The following IGHMBP2 variants were observed in gnomAD, a reference collection of about 807,000 sequenced individuals.
The protein encoded by IGHMBP2 is DNA-binding protein SMUBP-2.
In IGHMBP2, 81 loss-of-function variants were observed where a neutral mutation model predicts 96.0. The observed-to-expected ratio is 0.84, with a 90% CI of 0.71 to 1.01. The LOEUF (loss-of-function observed/expected upper bound fraction) is 1.01, where lower values mean the gene tolerates loss of function less well. Among genes scored for constraint, IGHMBP2 ranks in the 50% least tolerant of loss-of-function variants. The pLI is 0.00. For missense variants in IGHMBP2, 1,227 were observed against 1,306.3 expected, an observed-to-expected ratio of 0.94 and a Z score of 0.94; for synonymous variants, 557 against 548.9, an observed-to-expected ratio of 1.01 and a Z score of -0.21.
rs145535654 is a variant in IGHMBP2 at position 68,917,266 on chromosome 11, C to T, written c.913-470C>T. 5.5e-3 allele frequency among the ~76,000 whole-genome samples: 835 copies of T among 152,086 alleles called. 6 individuals carry two copies. Among genetic ancestry groups the T allele is most frequent in the Admixed American group, 9.0e-3 (137 of 15,284 alleles). ...TGCTGGGATTACAGGCATGAGCCAC[C>T]GCGCCTGACCAGTTCCATCTTTTTG... On this transcript the variant is annotated intron_variant, in intron 6 of 14. Transcript: ENST00000255078.
chr11:68,918,521 A>G (rs1004235012), intron 7 of IGHMBP2, among the ~76,000 whole-genome samples: 1 of 152,100 alleles, frequency 6.6e-6, no homozygotes, highest in African/African-American at 2.4e-5. Flanking sequence ...ATGCACCTGT[A>G]ATTCCAGCTA....
rs886048610 is a variant in IGHMBP2, at chr11:68,940,519, C to G, written c.*788C>G. The G allele has an allele frequency of 6.6e-6, 1 of 152,212 alleles. No individual in the cohort carries two copies. The highest frequency in any genetic ancestry group is 1.5e-5 in the Non-Finnish European group (1 of 68,060). 9.4% of individuals were successfully genotyped at this position (152,212 alleles called of 1,614,324 possible). On this transcript the variant is annotated 3_prime_UTR_variant, in exon 15 of 15. Coordinates refer to ENST00000255078, the MANE Select transcript of IGHMBP2 (RefSeq NM_002180.3). ...TACCAACTCTTCTATTTAAGAGAAC[C>G]TCAGATGATGTACCTGAGCCTCAGG... is the stretch of plus-strand genomic sequence containing the variant.
chr11:68,939,762 T>A lies in IGHMBP2; in HGVS notation c.*31T>A, dbSNP rs1200475619. The A allele has an allele frequency of 7.0e-6, 11 of 1,578,104 alleles. No individual in the cohort carries two copies. The Admixed American group carries it at 1.9e-4, about 27-fold the overall frequency. Reference sequence around the variant, plus strand: ...CGCATCCTTGCACGCCCCGCGGAGCTCTCTCCATGGTAGCCCAGGGCGCTG... The same window carrying A: ...CGCATCCTTGCACGCCCCGCGGAGCACTCTCCATGGTAGCCCAGGGCGCTG... On this transcript the variant is annotated 3_prime_UTR_variant, in exon 15 of 15. Transcript: ENST00000255078.
In IGHMBP2 at chr11:68,935,923, C is replaced by T. The variant is rs375626868; in HGVS notation, c.1757-314C>T. Among the ~76,000 whole-genome samples, 12 of 152,292 alleles carry T rather than the reference C, an allele frequency of 7.9e-5. No individual in the cohort carries two copies. The South Asian group carries it at 2.5e-3, about 32-fold the overall frequency. On this transcript the variant is annotated intron_variant, in intron 12 of 14. Coordinates refer to ENST00000255078, the MANE Select transcript of IGHMBP2 (RefSeq NM_002180.3). ...AGCTATGGGGGAAAGAAGGGAAGGT[C>T]CTGGAAGGTTTCTTGTGCTTTCTCC...
chr11:68,937,784 C>T (rs1012430436), intron 13 of IGHMBP2: 1 of 259,168 alleles, frequency 3.9e-6, no homozygotes, highest in African/African-American at 2.2e-5. Flanking sequence ...TACACCAGCA[C>T]ATGGGTGGCT....
rs11228414 is a variant in IGHMBP2 at position 68,936,802 on chromosome 11, A to G, written c.2322A>G (p.Glu774=). ...EHGLRHDSSG[E]GKRRFITVSK... ...GGCTGAGGCACGACAGTTCCGGGGA[A>G]GGGAAGAGGAGGTTCATCACTGTGA... The change falls in exon 13 of 15, where the codon GAA becomes GAG. Residue 774 remains glutamate, a synonymous_variant. Coordinates refer to ENST00000255078, the MANE Select transcript of IGHMBP2 (RefSeq NM_002180.3). 1,106 of 1,613,976 alleles carry G rather than the reference A, an allele frequency of 6.9e-4. 27 individuals carry two copies. The East Asian group carries it at 0.021, about 31-fold the overall frequency.
At position 68,914,953 on chromosome 11, in the gene IGHMBP2, A is replaced by T; in HGVS notation, c.842A>T (p.Asp281Val). Residue 281 changes from aspartate (D) to valine (V), a missense_variant, in exon 6 of 15, where the codon GAT becomes GTT. Physicochemically the swap from Asp to Val is radical, Grantham distance 152 (BLOSUM62 -3). Coordinates refer to ENST00000255078, the MANE Select transcript of IGHMBP2 (RefSeq NM_002180.3). ...GAGTCCATTCAGCAGCACTCCCTGG[A>T]TGCGGTTTTAGCGCGGAGCGACAGT... ...LLESIQQHSL[D>V]AVLARSDSAQ... 1 of 1,614,090 alleles carries T rather than the reference A, an allele frequency of 6.2e-7. No homozygotes were observed. The highest frequency in any genetic ancestry group is 8.5e-7 in the Non-Finnish European group (1 of 1,180,012).
At chr11:68,931,389 G>A (rs966800793) in intron 8 of IGHMBP2, among the ~76,000 whole-genome samples, 4 of 152,132 alleles carry the variant, frequency 2.6e-5, no homozygotes, top group Admixed American at 2.6e-4. Context: ...CCTGCTTCGT[G>A]GAGCAGGAAG....
Position 68,917,850 on chromosome 11 carries a change from A to G in IGHMBP2, c.1027A>G (p.Thr343Ala). 2 of 1,614,178 alleles carry G rather than the reference A, an allele frequency of 1.2e-6. No homozygotes were observed. The highest frequency in any genetic ancestry group is 1.7e-6 in the Non-Finnish European group (2 of 1,180,010). Reference protein sequence around the residue: ...REEAAMLESLTSANVVLATNT... With the variant: ...REEAAMLESLASANVVLATNT... ...AGAAGCAGCTATGCTCGAGAGCCTC[A>G]CTTCGGCAAACGTGGTCCTTGCAAC... is the stretch of plus-strand genomic sequence containing the variant. Residue 343 changes from threonine to alanine, a missense_variant, in exon 7 of 15, where the codon ACT becomes GCT. By Grantham distance (58) the Thr-to-Ala change is moderately conservative (BLOSUM62 0). This residue lies in a region of IGHMBP2 where 507 missense variants were observed against 496.9 expected (regional missense o/e 1.02). Coordinates refer to ENST00000255078, the MANE Select transcript of IGHMBP2 (RefSeq NM_002180.3).
chr11:68,921,659 T>G (rs1321690618), intron 7 of IGHMBP2, among the ~76,000 whole-genome samples: 1 of 152,232 alleles, frequency 6.6e-6, no homozygotes, highest in South Asian at 2.1e-4. Flanking sequence ...TTTAAAGAGA[T>G]CTAAATAATA....
intron 5 of IGHMBP2, among the ~76,000 whole-genome samples, chr11:68,914,554 G>A (rs1216585606): frequency 2.0e-5 from 3 of 152,176 alleles, no homozygotes; most frequent in Non-Finnish European, 1.5e-5. Flanking sequence ...TTAGTTTGCC[G>A]TCTATAGGTG....
intron 8 of IGHMBP2, among the ~76,000 whole-genome samples, chr11:68,931,441 C>T (rs918070300): frequency 3.5e-4 from 53 of 152,210 alleles, no homozygotes; most frequent in African/African-American, 1.2e-3. Context: ...CAGCTGCACG[C>T]GGAAAGGCAG....
At position 68,904,093 on chromosome 11, in the gene IGHMBP2, CAG is replaced by C. The variant is rs145519673; in HGVS notation, c.86+58_86+59del. 1,272 of 1,409,662 alleles carry C rather than the reference CAG, an allele frequency of 9.0e-4. 11 individuals are homozygous for C. In the African/African-American group the frequency reaches 0.016, roughly 18 times the overall value. 87.3% of individuals were successfully genotyped at this position (1,409,662 alleles called of 1,614,324 possible). ...GCGGTCGGTCCCGCCGTGTCCCGGG[CAG>C]AGTCTCCGAGGGGCTCGGCCTCATA... On this transcript the variant is annotated intron_variant, in intron 1 of 14. Transcript: ENST00000255078.
At position 68,914,829 on chromosome 11, in the gene IGHMBP2, T is replaced by G; in HGVS notation, c.718T>G (p.Cys240Gly). The G allele has an allele frequency of 6.2e-7, 1 of 1,614,262 alleles. No individual in the cohort carries two copies. The highest frequency in any genetic ancestry group is 8.5e-7 in the Non-Finnish European group (1 of 1,180,052). The part of the protein sequence containing the change: ...QAVKQGLKVL[C>G]CAPSNIAVDN... Reference sequence around the variant, plus strand: ...CCTAACTTGCGGTTCCCAGGTTCTGTGCTGCGCCCCCTCCAACATCGCCGT... The same window carrying G: ...CCTAACTTGCGGTTCCCAGGTTCTGGGCTGCGCCCCCTCCAACATCGCCGT... The change falls in exon 6 of 15, where the codon TGC becomes GGC. Residue 240 changes from cysteine (C) to glycine (G), a missense_variant. This residue lies in a region of IGHMBP2 where 507 missense variants were observed against 496.9 expected (regional missense o/e 1.02). Coordinates refer to ENST00000255078, the MANE Select transcript of IGHMBP2 (RefSeq NM_002180.3).
chr11:68,926,286 T>G (rs1476814010), intron 7 of IGHMBP2: 1 of 149,366 alleles, frequency 6.7e-6, no homozygotes, highest in Non-Finnish European at 1.5e-5. Context: ...TTTTTTTTTT[T>G]TTTTAGATGG....
At chr11:68,916,620 C>G (rs1858681143) in intron 6 of IGHMBP2, among the ~76,000 whole-genome samples, 1 of 152,144 alleles carries the variant, frequency 6.6e-6, no homozygotes, top group African/African-American at 2.4e-5. Context: ...GCACCTGCAC[C>G]CTCGGTGTCC....
At position 68,936,890 on chromosome 11, in the gene IGHMBP2, C is replaced by G; in HGVS notation, c.2410C>G (p.Pro804Ala). 1 of 1,609,544 alleles carries G rather than the reference C, an allele frequency of 6.2e-7. No homozygotes were observed. Among genetic ancestry groups the G allele is most frequent in the East Asian group, 2.2e-5 (1 of 44,750 alleles). Residue 804 changes from proline to alanine, a missense_variant, in exon 13 of 15, where the codon CCT becomes GCT. Coordinates refer to ENST00000255078, the MANE Select transcript of IGHMBP2 (RefSeq NM_002180.3). The stretch of plus-strand genomic sequence containing the variant: ...CCCAGCAGGGACCGGTGGCCCAGCC[C>G]CTCTCCAGCCAGTGCCCCCTACCCC... The part of the protein sequence containing the change: ...GPPAGTGGPA[P>A]LQPVPPTPAQ...
Position 68,936,959 on chromosome 11 carries a change from C to G in IGHMBP2, c.2479C>G (p.Gln827Glu). The change falls in exon 13 of 15, where the codon CAG (glutamine) becomes GAG (glutamate). Residue 827 changes from glutamine (Q) to glutamate (E), a missense_variant. Physicochemically the swap from Gln to Glu is conservative, Grantham distance 29. This residue lies in a region of IGHMBP2 where 703 missense variants were observed against 770.3 expected (regional missense o/e 0.91). Coordinates refer to ENST00000255078, the MANE Select transcript of IGHMBP2 (RefSeq NM_002180.3). ...TCCCAGGGAGCAGCGTGGCCCAGAC[C>G]AGCCTGATCTGAGGACGCTGCACCT... ...QPPREQRGPD[Q>E]PDLRTLHLER... The G allele has an allele frequency of 1.9e-6, 3 of 1,605,710 alleles. No homozygotes were observed. Among genetic ancestry groups the G allele is most frequent in the Non-Finnish European group, 2.5e-6 (3 of 1,176,750 alleles).
chr11:68,913,211 A>T (rs563314557), intron 5 of IGHMBP2, among the ~76,000 whole-genome samples: 1 of 152,294 alleles, frequency 6.6e-6, no homozygotes, highest in Admixed American at 6.5e-5. Flanking sequence ...CCAATGTGTG[A>T]GTGTCTTTGC....
Sources: allele counts gnomAD v4.1 joint callset (sites outside exome capture counted in the v4.1 genomes callset), GRCh38; gene constraint gnomAD v4.1.1; regional missense constraint gnomAD v4.1.1; transcripts MANE v1.5; gene names NCBI Gene and HGNC (gene_info 2026-07-23, HGNC 2026-07-21).